Variants in SPAG16 observed in about 807,000 individuals in gnomAD.
SPAG16 encodes the protein sperm associated antigen 16, also known as sperm-associated antigen 16 protein.
A neutral mutation model predicts 80.4 loss-of-function variants in SPAG16; 86 were observed. The observed-to-expected ratio is 1.07, with a 90% CI of 0.90 to 1.28. The LOEUF (loss-of-function observed/expected upper bound fraction) is 1.28, where lower values mean the gene tolerates loss of function less well. SPAG16 is among the 50% of genes most tolerant of loss of function. The probability of loss-of-function intolerance (pLI) is 0.00; values close to 1 mark genes in which losing one functional copy is unlikely to be tolerated. For synonymous variants in SPAG16, 294 were observed against 265.9 expected (o/e 1.11, Z -1.03); for missense variants, 870 against 765.3 (o/e 1.14, Z -1.61).
At chr2:214,378,677 GT>G (rs754505620) in intron 15 of SPAG16, among the ~76,000 whole-genome samples, 80 of 152,156 alleles carry the variant, frequency 5.3e-4, no homozygotes, top group Non-Finnish European at 6.5e-4. Context: ...CAAAATCAGG[GT>G]CCTATTAGGA....
rs1689724926 is a variant in SPAG16 at position 214,244,737 on chromosome 2, C to T, written c.1720+95471C>T. ...ATGCTCCATTGGTTTAAATAAATAA[C>T]ACTGGAATTCTATATTTTATCATAA... On this transcript the variant is annotated intron_variant, in intron 15 of 15. Transcript: ENST00000331683. Among the ~76,000 whole-genome samples, 3 of 152,090 alleles carry T rather than the reference C, an allele frequency of 2.0e-5. No individual in the cohort carries two copies. The South Asian group carries it at 6.2e-4, about 32-fold the overall frequency.
intron 10 of SPAG16, among the ~76,000 whole-genome samples, chr2:213,831,301 G>A (rs1575276699): frequency 6.6e-6 from 1 of 151,996 alleles, no homozygotes; most frequent in Non-Finnish European, 1.5e-5. Context: ...GCCTCCCAAA[G>A]TGCTGGGATT....
intron 10 of SPAG16, among the ~76,000 whole-genome samples, chr2:213,606,057 A>G (rs2124996965): frequency 6.6e-6 from 1 of 152,318 alleles, no homozygotes; most frequent in South Asian, 2.1e-4. Flanking sequence ...CCTTAGAGGA[A>G]TGTAATCTAA....
intron 10 of SPAG16, among the ~76,000 whole-genome samples, chr2:213,629,651 A>C (rs907917877): frequency 1.3e-5 from 2 of 152,180 alleles, no homozygotes; most frequent in African/African-American, 2.4e-5. Context: ...TTGCCTTCAG[A>C]TCTATTCCTC....
At chr2:214,346,670 T>C (rs1698073938) in intron 15 of SPAG16, among the ~76,000 whole-genome samples, 3 of 152,168 alleles carry the variant, frequency 2.0e-5, no homozygotes, top group Admixed American at 6.5e-5. Flanking sequence ...AAACTTGCTT[T>C]TGAAGCCCTG....
chr2:213,426,064 T>C (rs1419190951), intron 9 of SPAG16, among the ~76,000 whole-genome samples: 3 of 152,250 alleles, frequency 2.0e-5, no homozygotes, highest in Non-Finnish European at 4.4e-5. Flanking sequence ...CTTCAATTAT[T>C]AATTAAACAT....
intron 6 of SPAG16, among the ~76,000 whole-genome samples, chr2:213,344,832 A>G (rs559375272): frequency 3.9e-5 from 6 of 152,324 alleles, no homozygotes; most frequent in African/African-American, 1.4e-4. Context: ...TAGTGCCGCA[A>G]TAAACATAAC....
chr2:213,953,962 G>A (rs1232808920), intron 12 of SPAG16, among the ~76,000 whole-genome samples: 1 of 152,002 alleles, frequency 6.6e-6, no homozygotes, highest in East Asian at 1.9e-4. Context: ...CACAGCCCAT[G>A]CAATGGATAT....
intron 10 of SPAG16, among the ~76,000 whole-genome samples, chr2:213,659,043 A>C (rs947750668): frequency 2.6e-5 from 4 of 152,176 alleles, no homozygotes; most frequent in Non-Finnish European, 5.9e-5. Context: ...TCAAAAAAAA[A>C]CAAAAACACA....
intron 14 of SPAG16, among the ~76,000 whole-genome samples, chr2:214,138,225 C>T (rs1166220636): frequency 6.6e-6 from 1 of 152,016 alleles, no homozygotes; most frequent in Non-Finnish European, 1.5e-5. Context: ...AAAGAAATTA[C>T]ACAACAAGGG....
intron 10 of SPAG16, among the ~76,000 whole-genome samples, chr2:213,610,710 A>T (rs983437082): frequency 6.6e-6 from 1 of 152,216 alleles, no homozygotes; most frequent in Admixed American, 6.5e-5. Flanking sequence ...AAAGTAGGAC[A>T]TTCCTGAAAG....
rs1474980071 is a variant in SPAG16 at position 213,591,389 on chromosome 2, ATAT to A, written c.1070+101301_1070+101303del. On this transcript the variant is annotated intron_variant, in intron 10 of 15. Transcript: ENST00000331683. ...ATCAATTAGTAGTAAGAATTATATA[ATAT>A]TTTATCAATGTATTCTAAGAGAAGA... Among the ~76,000 whole-genome samples, 9 of 152,304 alleles carry A rather than the reference ATAT, an allele frequency of 5.9e-5. No individual in the cohort carries two copies. In the East Asian group the frequency reaches 1.7e-3, roughly 29 times the overall value.
At chr2:213,993,108 G>A (rs576218843) in intron 12 of SPAG16, among the ~76,000 whole-genome samples, 19 of 152,312 alleles carry the variant, frequency 1.2e-4, no homozygotes, top group Non-Finnish European at 2.5e-4. Flanking sequence ...CATTGAAACA[G>A]AAGAGTATGC....
chr2:214,068,878 A>T (rs1414317255), intron 13 of SPAG16, among the ~76,000 whole-genome samples: 1 of 151,982 alleles, frequency 6.6e-6, no homozygotes, highest in Non-Finnish European at 1.5e-5. Flanking sequence ...CTGACACCTT[A>T]TCCATTAAAC....
At chr2:213,751,094 A>G (rs1309074593) in intron 10 of SPAG16, among the ~76,000 whole-genome samples, 1 of 152,178 alleles carries the variant, frequency 6.6e-6, no homozygotes, top group East Asian at 1.9e-4. Flanking sequence ...AATTGATACA[A>G]TTAACAATAA....
intron 10 of SPAG16, among the ~76,000 whole-genome samples, chr2:213,610,507 A>G (rs1360595224): frequency 6.6e-6 from 1 of 152,130 alleles, no homozygotes; most frequent in Non-Finnish European, 1.5e-5. Flanking sequence ...TAACCTTTTT[A>G]TCACCATAAC....
chr2:214,222,181 A>G (rs1286965463), intron 15 of SPAG16, among the ~76,000 whole-genome samples: 1 of 144,684 alleles, frequency 6.9e-6, no homozygotes, highest in African/African-American at 2.5e-5. Context: ...CAGTGGCACA[A>G]TCTCGGCTCA....
intron 9 of SPAG16, among the ~76,000 whole-genome samples, chr2:213,444,024 C>T (rs2071146824): frequency 6.6e-6 from 1 of 152,150 alleles, no homozygotes; most frequent in African/African-American, 2.4e-5. Context: ...CTATTCTCTG[C>T]ACTGATTGTT....
At chr2:213,335,216 C>G (rs191377877) in intron 5 of SPAG16, among the ~76,000 whole-genome samples, 52 of 152,184 alleles carry the variant, frequency 3.4e-4, no homozygotes, top group African/African-American at 1.2e-3. Context: ...AAGGTTGTCA[C>G]AAACATAATG....
Sources: gnomAD v4.1 joint callset for allele counts (sites outside exome capture counted in the v4.1 genomes callset) on GRCh38, gnomAD v4.1.1 for gene constraint, MANE v1.5 for transcripts, NCBI Gene and HGNC (gene_info 2026-07-23, HGNC 2026-07-21) for gene names.